The following CNTRL variants were observed in gnomAD, a reference collection of about 807,000 sequenced individuals.
CNTRL encodes centriolin, also known as 110 kDa centrosomal protein.
In CNTRL, 233 loss-of-function variants were observed where a neutral mutation model predicts 303.7. The observed-to-expected ratio is 0.77, with a 90% CI of 0.69 to 0.86. The LOEUF is 0.86. Among genes scored for constraint, CNTRL ranks in the 40% least tolerant of loss-of-function variants. CNTRL has a pLI of 0.00. For missense variants in CNTRL, 2,524 were observed against 2,650.6 expected, an observed-to-expected ratio of 0.95 and a Z score of 1.05; for synonymous variants, 900 against 922.2, an observed-to-expected ratio of 0.98 and a Z score of 0.44.
chr9:121,112,025 G>A (rs2049770005), intron 8 of CNTRL, among the ~76,000 whole-genome samples: 1 of 151,986 alleles, frequency 6.6e-6, no homozygotes, highest in South Asian at 2.1e-4. Flanking sequence ...TTTCTCTGCA[G>A]TTAATGTCAG....
rs1322514365 is a variant in CNTRL, at chr9:121,135,799, T to C, written c.2026-7T>C. The C allele has an allele frequency of 6.2e-7, 1 of 1,600,776 alleles. No homozygotes were observed. Among genetic ancestry groups the C allele is most frequent in the Admixed American group, 1.7e-5 (1 of 57,654 alleles). On this transcript the variant is annotated splice_polypyrimidine_tract_variant and splice_region_variant and intron_variant, in intron 14 of 43. Coordinates refer to ENST00000373855, the MANE Select transcript of CNTRL (RefSeq NM_007018.6). The stretch of plus-strand genomic sequence containing the variant: ...GTTCCATAGTTAAACCCACTGAATC[T>C]TTCTAGGAGCTTGCAGAGCTAGAAA...
intron 6 of CNTRL, among the ~76,000 whole-genome samples, chr9:121,097,903 G>A (rs1326446273): frequency 6.6e-6 from 1 of 152,084 alleles, no homozygotes; most frequent in Non-Finnish European, 1.5e-5. Context: ...AGCCTTTTTA[G>A]GTTGAGAATA....
intron 1 of CNTRL, among the ~76,000 whole-genome samples, chr9:121,075,939 G>GT (rs1401292370): frequency 2.0e-5 from 3 of 152,216 alleles, no homozygotes; most frequent in Non-Finnish European, 4.4e-5. Flanking sequence ...GCTTTTAACT[G>GT]TTCAGGTACA....
Position 121,154,747 on chromosome 9 carries a change from GTC to G in CNTRL, c.4201_4202del (p.Leu1401TyrfsTer3), listed in dbSNP as rs768396469. ...GACTTCATTGATGGAAATGTTGAGAGTCTTATGACTGAACTAGAAATAGAAAA... is the reference window on the plus strand; with the variant it reads ...GACTTCATTGATGGAAATGTTGAGAGTTATGACTGAACTAGAAATAGAAAA... On this transcript the variant is annotated frameshift_variant, in exon 27 of 44. Coordinates refer to ENST00000373855, the MANE Select transcript of CNTRL (RefSeq NM_007018.6). LOFTEE classifies it high-confidence loss of function. The G allele has an allele frequency of 6.2e-7, 1 of 1,606,896 alleles. No individual in the cohort carries two copies. Among genetic ancestry groups the G allele is most frequent in the Non-Finnish European group, 8.5e-7 (1 of 1,173,846 alleles).
chr9:121,128,338 T>G (rs1296897530), intron 14 of CNTRL, among the ~76,000 whole-genome samples: 1 of 152,232 alleles, frequency 6.6e-6, no homozygotes, highest in African/African-American at 2.4e-5. Context: ...ATCACCATTC[T>G]AACTGGTGTG....
intron 25 of CNTRL, 57 bp downstream of exon 25, chr9:121,150,540 G>A (rs780612319): frequency 2.5e-5 from 38 of 1,508,556 alleles, no homozygotes; most frequent in Non-Finnish European, 3.5e-5. Flanking sequence ...TGACTGATAA[G>A]GTTATATACT....
intron 10 of CNTRL, among the ~76,000 whole-genome samples, chr9:121,113,979 C>A (rs2049868782): frequency 6.6e-6 from 1 of 152,098 alleles, no homozygotes; most frequent in Admixed American, 6.6e-5. Flanking sequence ...ATGAGTAAAT[C>A]CCCTCCTTCA....
chr9:121,170,897 C>T (rs1269716217), intron 39 of CNTRL, among the ~76,000 whole-genome samples: 1 of 152,124 alleles, frequency 6.6e-6, no homozygotes, highest in Admixed American at 6.5e-5. Context: ...GGAAGTGACA[C>T]TCAGGTCAGA....
At chr9:121,127,512 T>C (rs902999650) in intron 14 of CNTRL, among the ~76,000 whole-genome samples, 1 of 152,188 alleles carries the variant, frequency 6.6e-6, no homozygotes, top group African/African-American at 2.4e-5. Context: ...TTAAAGCTTA[T>C]ATTTTGAAAT....
At chr9:121,167,464 T>G (rs2131844480) in intron 36 of CNTRL, 25 bp from the exon 37 acceptor site, 1 of 1,599,100 alleles carries the variant, frequency 6.3e-7, no homozygotes, top group African/African-American at 1.3e-5. Flanking sequence ...TTATTAGTAG[T>G]TTCCACTTGT....
intron 7 of CNTRL, among the ~76,000 whole-genome samples, chr9:121,099,214 CA>C (rs1313469368): frequency 4.6e-5 from 7 of 152,184 alleles, no homozygotes; most frequent in African/African-American, 1.7e-4. Context: ...TCCAGAGGAA[CA>C]ATCAGGCAGC....
At chr9:121,118,993 C>T (rs376795680) in intron 12 of CNTRL, among the ~76,000 whole-genome samples, 5 of 151,918 alleles carry the variant, frequency 3.3e-5, no homozygotes, top group African/African-American at 9.7e-5. Flanking sequence ...GGATGAATCC[C>T]CCATGGATAC....
intron 43 of CNTRL, among the ~76,000 whole-genome samples, chr9:121,175,737 A>G (rs1300387764): frequency 6.6e-6 from 1 of 152,242 alleles, no homozygotes; most frequent in Non-Finnish European, 1.5e-5. Context: ...CTGATGGCTT[A>G]GGAAACAGAC....
At chr9:121,153,806 G>GT (rs1458477333) in intron 26 of CNTRL, among the ~76,000 whole-genome samples, 9 of 152,224 alleles carry the variant, frequency 5.9e-5, no homozygotes, top group Non-Finnish European at 1.3e-4. Flanking sequence ...GAGGACACAA[G>GT]TAAGTAAGAC....
chr9:121,155,204 A>G (rs1394327619), intron 27 of CNTRL, among the ~76,000 whole-genome samples: 1 of 152,170 alleles, frequency 6.6e-6, no homozygotes, highest in Non-Finnish European at 1.5e-5. Context: ...CTTAGTTCCT[A>G]GCACACCCCA....
At chr9:121,162,509 G>T (rs1431885571) in intron 34 of CNTRL, among the ~76,000 whole-genome samples, 1 of 151,322 alleles carries the variant, frequency 6.6e-6, no homozygotes, top group African/African-American at 2.4e-5. Flanking sequence ...ATACATGCTG[G>T]AAATAAATGG....
At chr9:121,136,112 C>T in intron 15 of CNTRL, 130 bp downstream of exon 15, 4 of 821,930 alleles carry the variant, frequency 4.9e-6, no homozygotes, top group Non-Finnish European at 7.3e-6. Context: ...ATGGGAAAGG[C>T]AGAATTTTGG....
At chr9:121,169,036 A>T (rs1033450259) in intron 38 of CNTRL, among the ~76,000 whole-genome samples, 1 of 152,220 alleles carries the variant, frequency 6.6e-6, no homozygotes, top group Non-Finnish European at 1.5e-5. Flanking sequence ...GTGCTCCTCT[A>T]GGGTGATAAG....
At chr9:121,138,021 A>G (rs2051288784) in intron 15 of CNTRL, among the ~76,000 whole-genome samples, 1 of 152,192 alleles carries the variant, frequency 6.6e-6, no homozygotes, top group Admixed American at 6.5e-5. Context: ...CTGAAGATCT[A>G]CAGATCTCTG....
Sources: allele counts gnomAD v4.1 joint callset (sites outside exome capture counted in the v4.1 genomes callset), GRCh38; gene constraint gnomAD v4.1.1; transcripts MANE v1.5; gene names NCBI Gene and HGNC (gene_info 2026-07-23, HGNC 2026-07-21).